SUPT3H: variants seen among roughly 807,000 people sequenced by gnomAD.
The protein encoded by SUPT3H is transcription initiation protein SPT3 homolog.
In SUPT3H, 44 loss-of-function variants were observed where a neutral mutation model predicts 44.3. The ratio of observed to expected loss-of-function variants is 0.99; its 90% confidence interval spans 0.78 to 1.28. The LOEUF (loss-of-function observed/expected upper bound fraction) is 1.28. Ranked by LOEUF, SUPT3H falls within the 50% of genes most tolerant of loss-of-function variation. SUPT3H has a pLI of 0.00. For missense variants in SUPT3H, 380 were observed against 387.1 expected (o/e 0.98, Z 0.15); for synonymous variants, 124 against 125.6 (o/e 0.99, Z 0.09).
At chr6:45,054,336 A>T (rs1427604447) in intron 3 of SUPT3H, among the ~76,000 whole-genome samples, 1 of 152,170 alleles carries the variant, frequency 6.6e-6, no homozygotes, top group Non-Finnish European at 1.5e-5. Flanking sequence ...GGAATGTCGC[A>T]CAGGGATACA....
At chr6:45,364,552 T>A (rs1041097748) in intron 2 of SUPT3H, among the ~76,000 whole-genome samples, 8 of 151,392 alleles carry the variant, frequency 5.3e-5, no homozygotes, top group Admixed American at 3.3e-4. Flanking sequence ...CTACTATGTG[T>A]CAACAGACAT....
intron 10 of SUPT3H, among the ~76,000 whole-genome samples, chr6:44,869,668 C>T (rs1006530908): frequency 2.6e-5 from 4 of 152,200 alleles, no homozygotes; most frequent in Admixed American, 6.5e-5. Context: ...TAACCTGCCC[C>T]GAATCCCTTG....
chr6:45,066,248 C>G (rs186356902), intron 3 of SUPT3H, among the ~76,000 whole-genome samples: 14 of 152,152 alleles, frequency 9.2e-5, no homozygotes, highest in Admixed American at 7.2e-4. Flanking sequence ...AAGCCTTTGA[C>G]AAAATTCAAC....
intron 6 of SUPT3H, among the ~76,000 whole-genome samples, chr6:44,982,349 G>A (rs187069565): frequency 1.4e-3 from 209 of 152,036 alleles, no homozygotes; most frequent in Non-Finnish European, 2.2e-3. Context: ...TCAGCCTCCC[G>A]AGTAGCTGGG....
intron 2 of SUPT3H, among the ~76,000 whole-genome samples, chr6:45,269,718 C>T (rs1416768568): frequency 6.6e-6 from 1 of 152,090 alleles, no homozygotes; most frequent in Non-Finnish European, 1.5e-5. Context: ...CACTTGCCTC[C>T]CATATGAGAC....
chr6:45,016,391 A>T (rs996940332), intron 4 of SUPT3H, among the ~76,000 whole-genome samples: 1 of 151,678 alleles, frequency 6.6e-6, no homozygotes, highest in Non-Finnish European at 1.5e-5. Flanking sequence ...ACATGTGCAC[A>T]ATGGGCAGGT....
chr6:45,053,992 C>T (rs953908944), intron 3 of SUPT3H, among the ~76,000 whole-genome samples: 5 of 150,824 alleles, frequency 3.3e-5, no homozygotes, highest in South Asian at 2.1e-4. Context: ...CAGGTGAGCT[C>T]GCCTATACCC....
intron 2 of SUPT3H, among the ~76,000 whole-genome samples, chr6:45,272,524 A>C (rs1348685020): frequency 6.6e-6 from 1 of 152,188 alleles, no homozygotes; most frequent in Non-Finnish European, 1.5e-5. Context: ...TAAATTGTCC[A>C]GTCTCGGATA....
intron 1 of SUPT3H, chr6:45,371,911 G>T (rs1796126417): frequency 1.1e-6 from 1 of 895,932 alleles, no homozygotes. Context: ...AGTCCAGAGG[G>T]GTTTCTTGAA....
intron 10 of SUPT3H, among the ~76,000 whole-genome samples, chr6:44,882,351 T>C (rs1778383865): frequency 1.3e-5 from 2 of 152,170 alleles, no homozygotes. Flanking sequence ...GTACAATCCC[T>C]GATTATATCA....
intron 2 of SUPT3H, among the ~76,000 whole-genome samples, chr6:45,359,983 A>G (rs976324895): frequency 2.6e-5 from 4 of 152,228 alleles, no homozygotes; most frequent in African/African-American, 9.6e-5. Flanking sequence ...ATAACCGAGC[A>G]ATCAACTGAA....
intron 2 of SUPT3H, among the ~76,000 whole-genome samples, chr6:45,179,079 C>T (rs1038200002): frequency 1.3e-5 from 2 of 151,996 alleles, no homozygotes; most frequent in African/African-American, 4.8e-5. Flanking sequence ...TACAAACTAC[C>T]ATCAGAGAAT....
chr6:44,882,064 C>A (rs539648834), intron 10 of SUPT3H, among the ~76,000 whole-genome samples: 1 of 151,934 alleles, frequency 6.6e-6, no homozygotes, highest in Non-Finnish European at 1.5e-5. Flanking sequence ...GACAGAGACA[C>A]GAAAAACCCT....
At chr6:45,246,665 T>C (rs774928161) in intron 2 of SUPT3H, among the ~76,000 whole-genome samples, 10 of 151,984 alleles carry the variant, frequency 6.6e-5, no homozygotes, top group Non-Finnish European at 1.3e-4. Flanking sequence ...AACCTAGAAA[T>C]CAACAAAAGG....
At chr6:45,141,126 G>T (rs151026148) in intron 2 of SUPT3H, among the ~76,000 whole-genome samples, 173 of 151,936 alleles carry the variant, frequency 1.1e-3, no homozygotes, top group African/African-American at 3.9e-3. Flanking sequence ...GATCACCTGA[G>T]GTCAGGAGAT....
At chr6:45,022,429 T>A (rs1276358359) in intron 3 of SUPT3H, among the ~76,000 whole-genome samples, 1 of 151,924 alleles carries the variant, frequency 6.6e-6, no homozygotes, top group African/African-American at 2.4e-5. Flanking sequence ...TTTTTTTTTT[T>A]TTTTATTTTC....
intron 2 of SUPT3H, among the ~76,000 whole-genome samples, chr6:45,254,127 G>T (rs1772930725): frequency 6.6e-6 from 1 of 151,686 alleles, no homozygotes; most frequent in Admixed American, 6.6e-5. Context: ...ACTCTATTTG[G>T]CAACTGGGAT....
chr6:44,886,164 G>C (rs1030781026), intron 10 of SUPT3H, among the ~76,000 whole-genome samples: 2 of 152,154 alleles, frequency 1.3e-5, no homozygotes, highest in African/African-American at 4.8e-5. Context: ...AGTGACGGGG[G>C]AGAATGGAAC....
At chr6:45,239,030 C>G (rs920641575) in intron 2 of SUPT3H, among the ~76,000 whole-genome samples, 2 of 152,214 alleles carry the variant, frequency 1.3e-5, no homozygotes, top group South Asian at 4.1e-4. Flanking sequence ...TATTCTGGAT[C>G]GAAAGGTAAA....
Sources: gnomAD v4.1 joint callset for allele counts (sites outside exome capture counted in the v4.1 genomes callset) on GRCh38, gnomAD v4.1.1 for gene constraint, MANE v1.5 for transcripts, NCBI Gene and HGNC (gene_info 2026-07-23, HGNC 2026-07-21) for gene names.